Variants in MYO5B observed in about 807,000 individuals in gnomAD.
MYO5B encodes the protein unconventional myosin-Vb.
A neutral mutation model predicts 229.3 loss-of-function variants in MYO5B; 143 were observed. That is an observed-to-expected ratio of 0.62 (90% confidence interval 0.54 to 0.72). MYO5B has a LOEUF of 0.72. Ranked by LOEUF, MYO5B falls within the 30% of genes least tolerant of loss-of-function variation. The pLI is 0.00. For synonymous variants in MYO5B, 918 were observed against 885.2 expected (o/e 1.04, Z -0.66); for missense variants, 2,321 against 2,331.0 (o/e 1.00, Z 0.09).
chr18:50,041,313 T>C (rs1040649273), intron 2 of MYO5B, among the ~76,000 whole-genome samples: 7 of 152,234 alleles, frequency 4.6e-5, no homozygotes, highest in Admixed American at 2.6e-4. Context: ...GGAAATTCTA[T>C]GGACACAGAC....
At chr18:49,871,393 T>C (rs2024454172) in intron 27 of MYO5B, among the ~76,000 whole-genome samples, 1 of 152,218 alleles carries the variant, frequency 6.6e-6, no homozygotes, top group Non-Finnish European at 1.5e-5. Context: ...TTTAATACCA[T>C]TGAACTATAC....
At chr18:50,118,520 T>A (rs1568113829) in intron 1 of MYO5B, among the ~76,000 whole-genome samples, 1 of 152,210 alleles carries the variant, frequency 6.6e-6, no homozygotes, top group Non-Finnish European at 1.5e-5. Flanking sequence ...GGTGTGGGAC[T>A]CAATTTGCAT....
chr18:50,051,460 T>C (rs2030390752), intron 2 of MYO5B, among the ~76,000 whole-genome samples: 1 of 152,150 alleles, frequency 6.6e-6, no homozygotes, highest in Non-Finnish European at 1.5e-5. Context: ...AAGGAGAGTT[T>C]TCCCTGACAC....
At chr18:50,107,506 A>C (rs2031784015) in intron 1 of MYO5B, among the ~76,000 whole-genome samples, 1 of 152,104 alleles carries the variant, frequency 6.6e-6, no homozygotes, top group Non-Finnish European at 1.5e-5. Context: ...AGAGTTTTGC[A>C]ACTTAAACTT....
At chr18:50,091,910 C>A (rs2031455860) in intron 1 of MYO5B, among the ~76,000 whole-genome samples, 1 of 152,180 alleles carries the variant, frequency 6.6e-6, no homozygotes, top group African/African-American at 2.4e-5. Flanking sequence ...TGACAATGCA[C>A]TGGGACCATC....
chr18:49,880,171 C>T (rs1054136057), intron 23 of MYO5B, among the ~76,000 whole-genome samples, 200 bp downstream of exon 23: 45 of 152,320 alleles, frequency 3.0e-4, no homozygotes, highest in South Asian at 1.0e-3. Flanking sequence ...GCCCATTATA[C>T]GTGTCTCACC....
intron 29 of MYO5B, among the ~76,000 whole-genome samples, chr18:49,858,225 TC>T (rs2024286088): frequency 6.6e-6 from 1 of 152,156 alleles, no homozygotes; most frequent in African/African-American, 2.4e-5. Flanking sequence ...CTTTAACAAA[TC>T]CCAAACTCAT....
intron 1 of MYO5B, among the ~76,000 whole-genome samples, chr18:50,088,832 T>C (rs892740252): frequency 2.6e-5 from 4 of 152,240 alleles, no homozygotes; most frequent in African/African-American, 9.6e-5. Flanking sequence ...ACACTTCTTT[T>C]GAAGAAAGCC....
chr18:50,117,510 C>T (rs73430326), intron 1 of MYO5B, among the ~76,000 whole-genome samples: 3,000 of 152,130 alleles, frequency 0.02, 89 homozygotes, highest in African/African-American at 0.069. Context: ...ACCATATCAT[C>T]GCCCCCTTTC....
At chr18:49,874,958 CTG>C (rs2024500254) in intron 26 of MYO5B, among the ~76,000 whole-genome samples, 1 of 152,184 alleles carries the variant, frequency 6.6e-6, no homozygotes, top group African/African-American at 2.4e-5. Flanking sequence ...TACTTTTCAC[CTG>C]TGTTATGTCT....
intron 17 of MYO5B, among the ~76,000 whole-genome samples, chr18:49,914,998 G>A (rs1237953681): frequency 6.6e-6 from 1 of 152,064 alleles, no homozygotes; most frequent in African/African-American, 2.4e-5. Flanking sequence ...AATGGAGGCT[G>A]AGCTCCTTGT....
At chr18:49,885,702 G>T (rs1293563733) in intron 22 of MYO5B, among the ~76,000 whole-genome samples, 1 of 152,114 alleles carries the variant, frequency 6.6e-6, no homozygotes, top group Non-Finnish European at 1.5e-5. Flanking sequence ...GCATCAGGTA[G>T]AAAGGGGCAG....
intron 1 of MYO5B, among the ~76,000 whole-genome samples, chr18:50,141,709 A>G (rs1287220367): frequency 6.6e-6 from 1 of 152,204 alleles, no homozygotes; most frequent in Non-Finnish European, 1.5e-5. Flanking sequence ...TAACAAAGGC[A>G]AGACCCCTTT....
At chr18:49,886,350 G>T (rs2024641868) in intron 22 of MYO5B, among the ~76,000 whole-genome samples, 1 of 152,122 alleles carries the variant, frequency 6.6e-6, no homozygotes, top group Admixed American at 6.5e-5. Flanking sequence ...CTGTAGATGG[G>T]CTTCCATGAG....
intron 5 of MYO5B, among the ~76,000 whole-genome samples, chr18:49,992,843 C>T (rs1036127642): frequency 1.3e-5 from 2 of 152,180 alleles, no homozygotes; most frequent in African/African-American, 4.8e-5. Flanking sequence ...GCCACTAAAA[C>T]AATACCAGTG....
At chr18:50,068,679 G>A (rs981628128) in intron 1 of MYO5B, among the ~76,000 whole-genome samples, 2 of 152,178 alleles carry the variant, frequency 1.3e-5, no homozygotes, top group African/African-American at 4.8e-5. Flanking sequence ...AAGGCAACTG[G>A]GTCTTGGTGT....
rs750487415 is a variant in MYO5B, at chr18:49,909,713, G to A, written c.2202+2349C>T. On this transcript the variant is annotated intron_variant, in intron 18 of 39. Coordinates refer to ENST00000285039, the MANE Select transcript of MYO5B (RefSeq NM_001080467.3). ...AGGAAGGGAGGAGGTGAGTGCTGCT[G>A]GCCCATAGAAGATGGAGTAGCTAAC... Among the ~76,000 whole-genome samples the A allele has an allele frequency of 4.2e-4, 64 of 152,198 alleles. 1 individual carries two copies. Among genetic ancestry groups the A allele is most frequent in the Non-Finnish European group, 7.5e-4 (51 of 68,042 alleles).
rs1414883047 is a variant in MYO5B, at chr18:49,997,380, T to C, written c.612+3875A>G. The stretch of plus-strand genomic sequence containing the variant: ...AGCCTCCTTTCTTTCTTTTTTTTTT[T>C]TTTTTTTTTTTTTTGAGATGGAGTT... On this transcript the variant is annotated intron_variant, in intron 5 of 39. Transcript: ENST00000285039. Among the ~76,000 whole-genome samples the C allele has an allele frequency of 2.3e-4, 31 of 135,614 alleles. 1 individual carries two copies. Among genetic ancestry groups the C allele is most frequent in the East Asian group, 4.2e-4 (2 of 4,766 alleles). The allele number at this position is 135,614 out of a possible 152,430, so 89.0% of individuals were successfully genotyped here.
intron 2 of MYO5B, among the ~76,000 whole-genome samples, chr18:50,043,459 A>T (rs1308029193): frequency 1.7e-5 from 2 of 121,136 alleles, no homozygotes; most frequent in Non-Finnish European, 3.2e-5. Flanking sequence ...ATTTAAATAT[A>T]TTTGTATATA....
Sources: allele counts gnomAD v4.1 joint callset (sites outside exome capture counted in the v4.1 genomes callset), GRCh38; gene constraint gnomAD v4.1.1; transcripts MANE v1.5; gene names NCBI Gene and HGNC (gene_info 2026-07-23, HGNC 2026-07-21).